The following CCDC149 variants were observed in gnomAD, a reference collection of about 807,000 sequenced individuals.
CCDC149 encodes the protein coiled-coil domain-containing protein 149.
A neutral mutation model predicts 59.9 loss-of-function variants in CCDC149; 45 were observed. The observed-to-expected ratio is 0.75, with a 90% CI of 0.59 to 0.96. The LOEUF (loss-of-function observed/expected upper bound fraction) is 0.96. Among genes scored for constraint, CCDC149 ranks in the 40% least tolerant of loss-of-function variants. The pLI is 0.00. For missense variants in CCDC149, 584 were observed against 664.7 expected, an observed-to-expected ratio of 0.88 and a Z score of 1.33; for synonymous variants, 245 against 260.6, an observed-to-expected ratio of 0.94 and a Z score of 0.58.
chr4:24,965,463 A>C (rs1195132751), intron 1 of CCDC149, among the ~76,000 whole-genome samples: 15 of 143,888 alleles, frequency 1.0e-4, no homozygotes, highest in Non-Finnish European at 1.0e-4. Flanking sequence ...CCACAGTGGA[A>C]TTAAATTTGA....
At chr4:24,958,294 C>T (rs545395650) in intron 1 of CCDC149, among the ~76,000 whole-genome samples, 49 of 152,292 alleles carry the variant, frequency 3.2e-4, no homozygotes, top group Admixed American at 1.3e-4. Flanking sequence ...CCTTTGGAAA[C>T]GGCAGTGCTT....
At chr4:24,904,263 G>A (rs1164091728) in intron 1 of CCDC149, among the ~76,000 whole-genome samples, 1 of 152,134 alleles carries the variant, frequency 6.6e-6, no homozygotes, top group Non-Finnish European at 1.5e-5. Context: ...ATAGAAGACA[G>A]CATTAATTCA....
intron 3 of CCDC149, among the ~76,000 whole-genome samples, chr4:24,861,265 A>ATG (rs1239162934): frequency 7.0e-6 from 1 of 143,612 alleles, no homozygotes; most frequent in Admixed American, 7.0e-5. Context: ...ATATATATGC[A>ATG]CACACACACA....
intron 1 of CCDC149, among the ~76,000 whole-genome samples, chr4:24,887,853 C>G (rs1415832937): frequency 2.0e-5 from 3 of 152,070 alleles, no homozygotes; most frequent in South Asian, 2.1e-4. Flanking sequence ...CAAACAGGAG[C>G]CTTTCAGCAT....
chr4:24,840,082 T>A (rs976860320), intron 4 of CCDC149, among the ~76,000 whole-genome samples: 1 of 152,208 alleles, frequency 6.6e-6, no homozygotes, highest in Admixed American at 6.5e-5. Context: ...GAATATTAAC[T>A]AAATTGAAAT....
At chr4:24,913,347 C>T (rs1024323515), upstream of CCDC149, among the ~76,000 whole-genome samples, 10 of 152,216 alleles carry the variant, frequency 6.6e-5, no homozygotes, top group African/African-American at 1.7e-4. Flanking sequence ...TGCAAGCTCC[C>T]CGAGGGCAGG....
chr4:24,937,906 TA>T (rs57055067), intron 1 of CCDC149, among the ~76,000 whole-genome samples: 15,033 of 152,162 alleles, frequency 0.099, 1,352 homozygotes, highest in East Asian at 0.29. Flanking sequence ...CACTTTTTCC[TA>T]AATGCTGTGC....
At chr4:24,813,094 T>G (rs1181205199) in intron 12 of CCDC149, among the ~76,000 whole-genome samples, 1 of 152,084 alleles carries the variant, frequency 6.6e-6, no homozygotes, top group African/African-American at 2.4e-5. Flanking sequence ...CAGGGTTAGA[T>G]GAGTCATGAA....
At chr4:24,938,278 T>C (rs926042500) in intron 1 of CCDC149, among the ~76,000 whole-genome samples, 2 of 152,212 alleles carry the variant, frequency 1.3e-5, no homozygotes, top group African/African-American at 4.8e-5. Flanking sequence ...TTATTTTTTT[T>C]CCTTTGGCTA....
chr4:24,810,493 G>A (rs1714531294), intron 12 of CCDC149, among the ~76,000 whole-genome samples: 1 of 152,110 alleles, frequency 6.6e-6, no homozygotes, highest in African/African-American at 2.4e-5. Context: ...TCTGCTGCCA[G>A]GGATAACCAT....
chr4:24,834,475 A>G (rs1204469608), intron 8 of CCDC149, among the ~76,000 whole-genome samples: 1 of 152,206 alleles, frequency 6.6e-6, no homozygotes, highest in Non-Finnish European at 1.5e-5. Context: ...TTCAGCAGCT[A>G]GGAGACTTTT....
chr4:24,812,847 T>C (rs979922646), intron 12 of CCDC149, among the ~76,000 whole-genome samples: 4 of 152,186 alleles, frequency 2.6e-5, no homozygotes, highest in Non-Finnish European at 4.4e-5. Context: ...GTGAGACTTA[T>C]TCGCTACCAA....
chr4:24,838,790 AC>A (rs1235730359), intron 4 of CCDC149, among the ~76,000 whole-genome samples: 2 of 151,510 alleles, frequency 1.3e-5, no homozygotes, highest in African/African-American at 4.9e-5. Context: ...AAAAAAAAAA[AC>A]AAAAAAAAAC....
At chr4:24,804,604 G>A (rs138018071), downstream of CCDC149, among the ~76,000 whole-genome samples, 25 of 152,148 alleles carry the variant, frequency 1.6e-4, no homozygotes, top group Non-Finnish European at 3.4e-4. Flanking sequence ...CAGGGGCAAA[G>A]GCATGCTGTA....
intron 1 of CCDC149, among the ~76,000 whole-genome samples, chr4:24,879,026 A>G (rs542614367): frequency 2.0e-5 from 3 of 152,278 alleles, no homozygotes; most frequent in Non-Finnish European, 2.9e-5. Flanking sequence ...CTGGCCCGGG[A>G]TTTGAAGAGC....
At chr4:24,829,605 T>G (rs554691658) in intron 9 of CCDC149, 4 of 152,276 alleles carry the variant, frequency 2.6e-5, no homozygotes, top group African/African-American at 7.2e-5. Flanking sequence ...TTGGGGATAC[T>G]GGTGACCTGC....
intron 3 of CCDC149, among the ~76,000 whole-genome samples, chr4:24,869,261 G>A (rs553845563): frequency 2.6e-5 from 4 of 152,276 alleles, no homozygotes; most frequent in South Asian, 4.2e-4. Context: ...TTCTTCCAGC[G>A]GCCAAAGGTG....
rs117688976 is a variant in CCDC149 at position 24,841,203 on chromosome 4, G to T, written c.373-2931C>A. Among the ~76,000 whole-genome samples the T allele has an allele frequency of 4.9e-4, 75 of 152,278 alleles. No homozygotes were observed. In the East Asian group the frequency reaches 0.014, roughly 29 times the overall value. On this transcript the variant is annotated intron_variant, in intron 4 of 12. Transcript: ENST00000635206. ...ATGAGGCCAACAGGAGGCTCAGGTCGTGTCTTCAAAAGCAGGGTATTTTTC... is the reference window on the plus strand; with the variant it reads ...ATGAGGCCAACAGGAGGCTCAGGTCTTGTCTTCAAAAGCAGGGTATTTTTC...
At chr4:24,867,007 T>C (rs2109222717) in intron 3 of CCDC149, among the ~76,000 whole-genome samples, 1 of 152,224 alleles carries the variant, frequency 6.6e-6, no homozygotes, top group Non-Finnish European at 1.5e-5. Context: ...CTACGGTTTT[T>C]CCCAGCTCAA....
Sources: gnomAD v4.1 joint callset for allele counts (sites outside exome capture counted in the v4.1 genomes callset) on GRCh38, gnomAD v4.1.1 for gene constraint, MANE v1.5 for transcripts, NCBI Gene and HGNC (gene_info 2026-07-23, HGNC 2026-07-21) for gene names.